The following CACNA1E variants were observed in gnomAD, a reference collection of about 807,000 sequenced individuals.
CACNA1E encodes calcium voltage-gated channel subunit alpha1 E.
In CACNA1E, 40 loss-of-function variants were observed where a neutral mutation model predicts 259.2. That is an observed-to-expected ratio of 0.15 (90% CI 0.12 to 0.20). The LOEUF (loss-of-function observed/expected upper bound fraction) is 0.20, where lower values mean the gene tolerates loss of function less well. Among genes scored for constraint, CACNA1E ranks in the 10% least tolerant of loss-of-function variants. The probability of loss-of-function intolerance (pLI) is 1.00; values close to 1 mark genes in which losing one functional copy is unlikely to be tolerated. For missense variants in CACNA1E, 1,874 were observed against 3,040.1 expected (o/e 0.62, Z 9.02); for synonymous variants, 1,104 against 1,138.5 (o/e 0.97, Z 0.61).
At chr1:181,500,010 C>T (rs2102558117) in intron 1 of CACNA1E, among the ~76,000 whole-genome samples, 1 of 152,302 alleles carries the variant, frequency 6.6e-6, no homozygotes, top group South Asian at 2.1e-4. Flanking sequence ...TTGACAAAGC[C>T]ATTCACCTGT....
intron 1 of CACNA1E, among the ~76,000 whole-genome samples, chr1:181,331,838 A>G (rs1336888516): frequency 6.6e-6 from 1 of 152,186 alleles, no homozygotes; most frequent in African/African-American, 2.4e-5. Context: ...TAAATAGGGA[A>G]TCCTTTCCCA....
At position 181,489,485 on chromosome 1, in the gene CACNA1E, C is replaced by T. The variant is rs16857408; in HGVS notation, c.266+5475C>T. ...AAGACCTTTGTTTTCTGCAGTGGGACTGTCACACAACAGAAAGGAAGCTGG... is the reference window on the plus strand; with the variant it reads ...AAGACCTTTGTTTTCTGCAGTGGGATTGTCACACAACAGAAAGGAAGCTGG... On this transcript the variant is annotated intron_variant, in intron 1 of 47. Transcript: ENST00000367573. Among the ~76,000 whole-genome samples the T allele has an allele frequency of 9.6e-3, 1,465 of 152,302 alleles. 17 individuals are homozygous for T. The highest frequency in any genetic ancestry group is 0.033 in the African/African-American group (1,371 of 41,554).
At chr1:181,640,584 G>A (rs748238749) in intron 6 of CACNA1E, among the ~76,000 whole-genome samples, 10 of 152,220 alleles carry the variant, frequency 6.6e-5, no homozygotes, top group Admixed American at 1.3e-4. Context: ...AAATTAATTC[G>A]CCTTCTGCTC....
rs767199053 is a variant in CACNA1E at position 181,793,708 on chromosome 1, A to G, written c.5942A>G (p.His1981Arg). 4 of 1,611,438 alleles carry G rather than the reference A, an allele frequency of 2.5e-6. No individual in the cohort carries two copies. Among genetic ancestry groups the G allele is most frequent in the Admixed American group, 1.7e-5 (1 of 59,860 alleles). The change falls in exon 45 of 48, where the codon CAT (histidine) becomes CGT (arginine). Residue 1981 changes from histidine to arginine, a missense_variant. This residue lies in a region of CACNA1E where 542 missense variants were observed against 587.2 expected (regional missense o/e 0.92). Transcript: ENST00000367573. ...TTAAAAAGCGTGCAGCCCTCTAACCATGGCATCTACCTTCCTTCGGACACC... is the reference window on the plus strand; with the variant it reads ...TTAAAAAGCGTGCAGCCCTCTAACCGTGGCATCTACCTTCCTTCGGACACC... ...SELKSVQPSN[H>R]GIYLPSDTQE...
intron 2 of CACNA1E, among the ~76,000 whole-genome samples, chr1:181,461,118 A>G (rs1378342303): frequency 2.0e-5 from 3 of 152,190 alleles, no homozygotes; most frequent in African/African-American, 7.2e-5. Flanking sequence ...CCATTAAGGG[A>G]GGTAACAGAT....
intron 7 of CACNA1E, among the ~76,000 whole-genome samples, chr1:181,673,290 C>A (rs1649003171): frequency 6.6e-6 from 1 of 152,096 alleles, no homozygotes; most frequent in Non-Finnish European, 1.5e-5. Flanking sequence ...AGTGATGACA[C>A]TTTGGGGCTG....
chr1:181,788,521 G>A (rs1454105278), intron 43 of CACNA1E, among the ~76,000 whole-genome samples: 2 of 152,180 alleles, frequency 1.3e-5, no homozygotes, highest in South Asian at 4.1e-4. Context: ...AGAGTGGTAG[G>A]GGAGTTGGAG....
intron 26 of CACNA1E, among the ~76,000 whole-genome samples, chr1:181,751,541 G>A (rs73045126): frequency 0.028 from 4,313 of 152,278 alleles, 95 homozygotes; most frequent in African/African-American, 0.063. Context: ...ACGTGGCCCA[G>A]TGAGAGTGTC....
chr1:181,452,167 G>A (rs761375581), intron 2 of CACNA1E, among the ~76,000 whole-genome samples: 2 of 152,292 alleles, frequency 1.3e-5, no homozygotes, highest in African/African-American at 4.8e-5. Context: ...TGCTCCTTGG[G>A]TGAGAAGACA....
chr1:181,338,665 C>T (rs1651910413), intron 1 of CACNA1E, among the ~76,000 whole-genome samples: 1 of 152,076 alleles, frequency 6.6e-6, no homozygotes, highest in South Asian at 2.1e-4. Context: ...TAGTTTGATG[C>T]AGTACCACTT....
At chr1:181,444,257 C>G (rs1271057218) in intron 2 of CACNA1E, among the ~76,000 whole-genome samples, 1 of 152,024 alleles carries the variant, frequency 6.6e-6, no homozygotes, top group Non-Finnish European at 1.5e-5. Context: ...TGGCATGTCC[C>G]CAGGTGGGGC....
intron 6 of CACNA1E, among the ~76,000 whole-genome samples, chr1:181,629,661 A>G (rs1159704864): frequency 6.6e-6 from 1 of 152,142 alleles, no homozygotes; most frequent in Non-Finnish European, 1.5e-5. Context: ...ATATAAGTAT[A>G]TATAAAGAGC....
intron 1 of CACNA1E, among the ~76,000 whole-genome samples, chr1:181,327,056 G>C (rs1285486753): frequency 6.6e-6 from 1 of 152,142 alleles, no homozygotes; most frequent in African/African-American, 2.4e-5. Context: ...GTGCTCCTTA[G>C]GTAGTGTTGT....
intron 1 of CACNA1E, among the ~76,000 whole-genome samples, chr1:181,342,642 G>A (rs1006134474): frequency 2.6e-5 from 4 of 152,134 alleles, no homozygotes; most frequent in Non-Finnish European, 4.4e-5. Flanking sequence ...CCAGACTAGA[G>A]CTTTTAGGGA....
chr1:181,584,941 T>G (rs748678852), intron 6 of CACNA1E, among the ~76,000 whole-genome samples: 1 of 152,194 alleles, frequency 6.6e-6, no homozygotes, highest in Non-Finnish European at 1.5e-5. Context: ...TGACTGGTAT[T>G]GTAGATACTG....
chr1:181,580,422 T>C (rs1306085662), intron 5 of CACNA1E, among the ~76,000 whole-genome samples, 173 bp from the exon 6 acceptor site: 1 of 152,080 alleles, frequency 6.6e-6, no homozygotes, highest in Non-Finnish European at 1.5e-5. Context: ...GAACACATGA[T>C]ATGTGAGCTG....
At chr1:181,751,106 C>T (rs573224188) in intron 26 of CACNA1E, among the ~76,000 whole-genome samples, 1 of 152,242 alleles carries the variant, frequency 6.6e-6, no homozygotes, top group Non-Finnish European at 1.5e-5. Context: ...TCTGGGTCAA[C>T]ATGAAGAAAG....
chr1:181,538,675 A>G (rs6424816), intron 3 of CACNA1E, among the ~76,000 whole-genome samples: 1 of 152,046 alleles, frequency 6.6e-6, no homozygotes, highest in Non-Finnish European at 1.5e-5. Flanking sequence ...GAAAAAAAAA[A>G]CACAGAGAGG....
rs1656155597 is a variant in CACNA1E at position 181,737,513 on chromosome 1, C to T, written c.3423-12C>T. 1 of 1,613,356 alleles carries T rather than the reference C, an allele frequency of 6.2e-7. No individual in the cohort carries two copies. Among genetic ancestry groups the T allele is most frequent in the Admixed American group, 1.7e-5 (1 of 59,986 alleles). Reference sequence around the variant, plus strand: ...GGGAGTGGGCCAGCTCAGCCATGCCCACTGCCCGCAGGATCCGGAGGGCCT... The same window carrying T: ...GGGAGTGGGCCAGCTCAGCCATGCCTACTGCCCGCAGGATCCGGAGGGCCT... On this transcript the variant is annotated splice_polypyrimidine_tract_variant and intron_variant, in intron 22 of 47. Transcript: ENST00000367573.
Sources: allele counts gnomAD v4.1 joint callset (sites outside exome capture counted in the v4.1 genomes callset), GRCh38; gene constraint gnomAD v4.1.1; regional missense constraint gnomAD v4.1.1; transcripts MANE v1.5; gene names NCBI Gene and HGNC (gene_info 2026-07-23, HGNC 2026-07-21).